The following CDC26 variants were observed in gnomAD, a reference collection of about 807,000 sequenced individuals.
The protein encoded by CDC26 is anaphase-promoting complex subunit CDC26.
CDC26 carries 2 observed loss-of-function variants against 8.0 expected under a neutral mutation model. The observed-to-expected ratio is 0.25, with a 90% CI of 0.10 to 0.79. The LOEUF is 0.79. Among genes scored for constraint, CDC26 ranks in the 30% least tolerant of loss-of-function variants. CDC26 has a pLI of 0.70. For missense variants in CDC26, 68 were observed against 106.0 expected, an observed-to-expected ratio of 0.64 and a Z score of 1.57; for synonymous variants, 19 against 34.9, an observed-to-expected ratio of 0.55 and a Z score of 1.60.
chr9:113,272,841 A>G (rs1381449116), intron 2 of CDC26, among the ~76,000 whole-genome samples: 3 of 152,124 alleles, frequency 2.0e-5, no homozygotes, highest in Non-Finnish European at 4.4e-5. Flanking sequence ...ACAGGCGTAC[A>G]CCGCCATACC....
At chr9:113,272,584 G>T in intron 2 of CDC26, 36 bp from the exon 3 acceptor site, 2 of 1,020,954 alleles carry the variant, frequency 2.0e-6, no homozygotes, top group Non-Finnish European at 3.1e-6. Context: ...AAATCTGAAG[G>T]TGATAAAGTC....
chr9:113,274,111 C>T (rs1275821658), intron 1 of CDC26, among the ~76,000 whole-genome samples: 1 of 152,118 alleles, frequency 6.6e-6, no homozygotes, highest in African/African-American at 2.4e-5. Flanking sequence ...TATTTTAACA[C>T]AAAAACCCTG....
At chr9:113,267,721 G>A (rs1831884921) in intron 3 of CDC26, among the ~76,000 whole-genome samples, 1 of 152,074 alleles carries the variant, frequency 6.6e-6, no homozygotes, top group Non-Finnish European at 1.5e-5. Context: ...GGGCACGGTG[G>A]CTCACATCTG....
chr9:113,269,240 A>AAAAAATAAATGC (rs1166399342), intron 3 of CDC26, among the ~76,000 whole-genome samples: 1 of 152,206 alleles, frequency 6.6e-6, no homozygotes, highest in Admixed American at 6.5e-5. Flanking sequence ...AAATAAAAAA[A>AAAAAATAAATGC]AAAAATAAAT....
chr9:113,274,049 G>A (rs760620858), intron 1 of CDC26, among the ~76,000 whole-genome samples: 4 of 152,138 alleles, frequency 2.6e-5, no homozygotes, highest in Non-Finnish European at 4.4e-5. Flanking sequence ...ACTAGAAGGT[G>A]AGATCATTCT....
chr9:113,270,354 T>C (rs547748251), intron 3 of CDC26, among the ~76,000 whole-genome samples: 2 of 152,328 alleles, frequency 1.3e-5, no homozygotes, highest in East Asian at 3.9e-4. Flanking sequence ...TCTAATACCA[T>C]GTAGCAAGGC....
At position 113,271,041 on chromosome 9, in the gene CDC26, A is replaced by T. The variant is rs535065446; in HGVS notation, c.81+1386T>A. On this transcript the variant is annotated intron_variant, in intron 3 of 3. Coordinates refer to ENST00000374206, the MANE Select transcript of CDC26 (RefSeq NM_139286.4). ...CAGGACTGTAACAGTGGAGATGAAA[A>T]GGTATGGGTGGATTCCAGACATATT... Among the ~76,000 whole-genome samples, 24 of 152,302 alleles carry T rather than the reference A, an allele frequency of 1.6e-4. No homozygotes were observed. In the South Asian group the frequency reaches 4.8e-3, roughly 30 times the overall value.
At chr9:113,269,129 G>A (rs562420603) in intron 3 of CDC26, among the ~76,000 whole-genome samples, 2 of 152,238 alleles carry the variant, frequency 1.3e-5, no homozygotes, top group African/African-American at 4.8e-5. Flanking sequence ...GCCTGATGTG[G>A]TAGGATCACC....
chr9:113,269,951 C>G (rs951620889), intron 3 of CDC26, among the ~76,000 whole-genome samples: 1 of 152,190 alleles, frequency 6.6e-6, no homozygotes, highest in Non-Finnish European at 1.5e-5. Flanking sequence ...GCATTGAGCC[C>G]TCCTTTGGAC....
intron 3 of CDC26, among the ~76,000 whole-genome samples, chr9:113,271,158 G>T (rs558030548): frequency 5.9e-5 from 9 of 152,314 alleles, no homozygotes; most frequent in African/African-American, 1.9e-4. Context: ...TTTCTGGCCT[G>T]AGGAACTGAA....
chr9:113,273,688 T>TA (rs1382835453), intron 1 of CDC26, among the ~76,000 whole-genome samples: 4 of 150,866 alleles, frequency 2.7e-5, no homozygotes, highest in East Asian at 3.9e-4. Context: ...TACAAAAAAG[T>TA]AAAAAAAATA....
chr9:113,267,670 T>C (rs1415682541), intron 3 of CDC26, among the ~76,000 whole-genome samples: 4 of 152,038 alleles, frequency 2.6e-5, no homozygotes, highest in Non-Finnish European at 5.9e-5. Context: ...CTGGCAAACA[T>C]GGTGAAACCC....
chr9:113,271,320 C>A (rs1402686496), intron 3 of CDC26, among the ~76,000 whole-genome samples: 1 of 152,134 alleles, frequency 6.6e-6, no homozygotes, highest in Non-Finnish European at 1.5e-5. Context: ...ATCCTGGAAC[C>A]TATAAATGCC....
intron 1 of CDC26, among the ~76,000 whole-genome samples, chr9:113,273,947 C>A (rs1832006379): frequency 6.6e-6 from 1 of 151,878 alleles, no homozygotes; most frequent in Admixed American, 6.6e-5. Flanking sequence ...AACCCCCCAA[C>A]TGAGTTTAAT....
intron 3 of CDC26, among the ~76,000 whole-genome samples, chr9:113,267,885 G>C (rs1235956672): frequency 6.6e-6 from 1 of 152,174 alleles, no homozygotes; most frequent in African/African-American, 2.4e-5. Context: ...TACTTGGGAG[G>C]CTGAGGCAGG....
chr9:113,267,094 G>T lies in CDC26; in HGVS notation c.*169C>A, dbSNP rs1464733319. 8 of 479,638 alleles carry T rather than the reference G, an allele frequency of 1.7e-5. No individual in the cohort carries two copies. Among genetic ancestry groups the T allele is most frequent in the Non-Finnish European group, 2.6e-5 (7 of 272,830 alleles). The allele number at this position is 479,638 out of a possible 1,614,324, so 29.7% of individuals were successfully genotyped here. A position where few individuals can be genotyped will look rare whatever the true frequency, so the allele number is the denominator to read the frequency against. On this transcript the variant is annotated 3_prime_UTR_variant, in exon 4 of 4. Coordinates refer to ENST00000374206, the MANE Select transcript of CDC26 (RefSeq NM_139286.4). ...TTTTCAAGAGACAAACCAGAGTTTG[G>T]ATTCCAGCTTAGAGTGCAAGTGAAG...
chr9:113,267,224 A>G lies in CDC26; in HGVS notation c.*39T>C. ...TGGTTTGTACTTCTGCCATCATTTT[A>G]TTCCATTCCAGCGCTCTGGCATGCA... On this transcript the variant is annotated 3_prime_UTR_variant, in exon 4 of 4. Transcript: ENST00000374206. 7.7e-7 allele frequency: 1 copy of G among 1,290,898 alleles called. No homozygotes were observed. Among genetic ancestry groups the G allele is most frequent in the Non-Finnish European group, 1.1e-6 (1 of 943,042 alleles). 80.0% of individuals were successfully genotyped at this position (1,290,898 alleles called of 1,614,324 possible). A position where few individuals can be genotyped will look rare whatever the true frequency, so the allele number is the denominator to read the frequency against.
Position 113,271,845 on chromosome 9 carries a change from C to T in CDC26, c.81+582G>A, listed in dbSNP as rs1054236410. 5.9e-5 allele frequency among the ~76,000 whole-genome samples: 9 copies of T among 152,132 alleles called. No individual in the cohort carries two copies. In the East Asian group the frequency reaches 1.3e-3, roughly 23 times the overall value. Reference sequence around the variant, plus strand: ...TTGTGTATGTATGTGTGTGTATATACATATTTATGTATGACAGAGAGTCTC... The same window carrying T: ...TTGTGTATGTATGTGTGTGTATATATATATTTATGTATGACAGAGAGTCTC... On this transcript the variant is annotated intron_variant, in intron 3 of 3. Transcript: ENST00000374206.
intron 1 of CDC26, 137 bp downstream of exon 1, chr9:113,275,245 A>T (rs933507831): frequency 6.5e-6 from 1 of 153,382 alleles, no homozygotes; most frequent in African/African-American, 2.4e-5. Flanking sequence ...AGCCCAGGCA[A>T]GGGTTTCTAT....
Sources: allele counts gnomAD v4.1 joint callset (sites outside exome capture counted in the v4.1 genomes callset), GRCh38; gene constraint gnomAD v4.1.1; transcripts MANE v1.5; gene names NCBI Gene and HGNC (gene_info 2026-07-23, HGNC 2026-07-21).